The following IGSF21 variants were observed in gnomAD, a reference collection of about 807,000 sequenced individuals.
IGSF21 encodes immunoglobin superfamily member 21.
Under a neutral mutation model 46.8 loss-of-function variants are expected in IGSF21, and 28 were observed. The ratio of observed to expected loss-of-function variants is 0.60; its 90% CI spans 0.44 to 0.82. The LOEUF is 0.82. Ranked by LOEUF, IGSF21 falls within the 40% of genes least tolerant of loss-of-function variation. The probability of loss-of-function intolerance (pLI) is 0.00; values close to 1 mark genes in which losing one functional copy is unlikely to be tolerated. For synonymous variants in IGSF21, 284 were observed against 273.6 expected (o/e 1.04, Z -0.38); for missense variants, 624 against 665.5 (o/e 0.94, Z 0.69).
chr1:18,224,323 T>A (rs1299688638), intron 1 of IGSF21, among the ~76,000 whole-genome samples: 1 of 152,112 alleles, frequency 6.6e-6, no homozygotes, highest in Non-Finnish European at 1.5e-5. Flanking sequence ...TCAGGGCCTT[T>A]GCGCTTGACA....
intron 3 of IGSF21, among the ~76,000 whole-genome samples, chr1:18,315,538 G>C (rs12753646): frequency 1.0e-5 from 1 of 99,410 alleles, no homozygotes; most frequent in Non-Finnish European, 2.1e-5. Flanking sequence ...TGTTGGATGA[G>C]TGGATGGATG....
intron 2 of IGSF21, among the ~76,000 whole-genome samples, chr1:18,270,681 G>T (rs888487825): frequency 3.9e-5 from 6 of 152,184 alleles, no homozygotes; most frequent in Non-Finnish European, 8.8e-5. Context: ...ACTGAAAACA[G>T]CCGGGCTCCG....
intron 1 of IGSF21, among the ~76,000 whole-genome samples, chr1:18,161,059 T>C (rs938327853): frequency 3.9e-5 from 6 of 152,260 alleles, no homozygotes; most frequent in African/African-American, 1.2e-4. Flanking sequence ...AGGGAATCTC[T>C]TGGGCCAGAG....
intron 1 of IGSF21, among the ~76,000 whole-genome samples, chr1:18,120,717 T>C (rs1277629015): frequency 6.6e-6 from 1 of 152,170 alleles, no homozygotes; most frequent in Non-Finnish European, 1.5e-5. Flanking sequence ...GGAAGTAGCA[T>C]ATGAGAATGG....
chr1:18,237,937 A>G (rs906560501), intron 2 of IGSF21, among the ~76,000 whole-genome samples: 3 of 152,150 alleles, frequency 2.0e-5, no homozygotes, highest in African/African-American at 2.4e-5. Flanking sequence ...TTCATTTATG[A>G]ATGATCCTTG....
chr1:18,168,665 A>G (rs930119509), intron 1 of IGSF21, among the ~76,000 whole-genome samples: 20 of 152,342 alleles, frequency 1.3e-4, no homozygotes, highest in African/African-American at 4.8e-4. Context: ...TGGAAGAAGA[A>G]AGGAATCGCT....
At chr1:18,265,774 G>T (rs2084984186) in intron 2 of IGSF21, among the ~76,000 whole-genome samples, 1 of 152,320 alleles carries the variant, frequency 6.6e-6, no homozygotes, top group South Asian at 2.1e-4. Flanking sequence ...CACACAACCG[G>T]GATCTCAAAA....
chr1:18,293,314 A>G (rs2085284808), intron 3 of IGSF21, among the ~76,000 whole-genome samples: 1 of 152,208 alleles, frequency 6.6e-6, no homozygotes, highest in Non-Finnish European at 1.5e-5. Flanking sequence ...ATTGGGTGAA[A>G]TTAGAAAGCG....
At chr1:18,329,615 G>A (rs974405966) in intron 3 of IGSF21, among the ~76,000 whole-genome samples, 1 of 152,178 alleles carries the variant, frequency 6.6e-6, no homozygotes, top group Non-Finnish European at 1.5e-5. Context: ...TGGAGAGGTG[G>A]AGATGAATTA....
At chr1:18,316,989 C>A (rs532085898) in intron 3 of IGSF21, among the ~76,000 whole-genome samples, 1 of 152,152 alleles carries the variant, frequency 6.6e-6, no homozygotes, top group Non-Finnish European at 1.5e-5. Context: ...CAGAGTCCAC[C>A]CTTTGTTTTA....
At chr1:18,219,125 A>T (rs140306047) in intron 1 of IGSF21, among the ~76,000 whole-genome samples, 1 of 152,244 alleles carries the variant, frequency 6.6e-6, no homozygotes, top group African/African-American at 2.4e-5. Flanking sequence ...CAGACAATAA[A>T]CAAGTAAGTA....
chr1:18,272,118 T>C (rs1396879774), intron 2 of IGSF21, among the ~76,000 whole-genome samples: 1 of 152,146 alleles, frequency 6.6e-6, no homozygotes, highest in Non-Finnish European at 1.5e-5. Context: ...GAAAGGCAAG[T>C]CTTCCATGGC....
At chr1:18,307,556 G>A (rs568253330) in intron 3 of IGSF21, among the ~76,000 whole-genome samples, 265 of 152,324 alleles carry the variant, frequency 1.7e-3, no homozygotes, top group Non-Finnish European at 3.4e-3. Context: ...AGCTGAGCCG[G>A]GATTCAAACC....
At chr1:18,376,238 A>G in intron 6 of IGSF21, 72 bp from the exon 7 acceptor site, 1 of 1,036,064 alleles carries the variant, frequency 9.7e-7, no homozygotes. Context: ...TTGCTAGACT[A>G]GAACTTTCTC....
At chr1:18,272,643 G>A (rs569283437) in intron 2 of IGSF21, among the ~76,000 whole-genome samples, 99 of 152,258 alleles carry the variant, frequency 6.5e-4, no homozygotes, top group Non-Finnish European at 1.2e-3. Context: ...TTTGGAATGA[G>A]TGGTTTGGAA....
In IGSF21 at chr1:18,368,945, C is replaced by G. The variant is rs190398947; in HGVS notation, c.1015+3248C>G. On this transcript the variant is annotated intron_variant, in intron 6 of 9. Coordinates refer to ENST00000251296, the MANE Select transcript of IGSF21 (RefSeq NM_032880.5). ...GCCTGTGTGACCCCTATCAACAGCA[C>G]CCCAAACCACATTAAAGCACTTGCC... Among the ~76,000 whole-genome samples the G allele has an allele frequency of 2.6e-5, 4 of 152,298 alleles. No homozygotes were observed. The South Asian group carries it at 6.2e-4, about 24-fold the overall frequency.
chr1:18,260,157 G>A (rs970699976), intron 2 of IGSF21, among the ~76,000 whole-genome samples: 14 of 152,224 alleles, frequency 9.2e-5, no homozygotes, highest in African/African-American at 2.7e-4. Flanking sequence ...GAAGCACGCA[G>A]AGGATGAGCG....
intron 4 of IGSF21, among the ~76,000 whole-genome samples, chr1:18,359,065 A>T (rs1196952090): frequency 1.3e-5 from 2 of 152,056 alleles, no homozygotes; most frequent in Non-Finnish European, 2.9e-5. Flanking sequence ...GGAATTCAAG[A>T]CCAGCTTGGA....
intron 2 of IGSF21, among the ~76,000 whole-genome samples, chr1:18,287,617 C>G (rs1557625996): frequency 6.6e-6 from 1 of 152,228 alleles, no homozygotes; most frequent in Non-Finnish European, 1.5e-5. Context: ...CTTGTCACCT[C>G]TGTGGTTGTC....
Sources: gnomAD v4.1 joint callset for allele counts (sites outside exome capture counted in the v4.1 genomes callset) on GRCh38, gnomAD v4.1.1 for gene constraint, MANE v1.5 for transcripts, NCBI Gene and HGNC (gene_info 2026-07-23, HGNC 2026-07-21) for gene names.